Variants in KCNU1 observed in about 807,000 individuals in gnomAD.
KCNU1 encodes potassium calcium-activated channel subfamily U member 1.
Under a neutral mutation model 126.8 loss-of-function variants are expected in KCNU1, and 93 were observed. That is an observed-to-expected ratio of 0.73 (90% confidence interval 0.62 to 0.87). The LOEUF is 0.87. Ranked by LOEUF, KCNU1 falls within the 40% of genes least tolerant of loss-of-function variation. The pLI is 0.00. For synonymous variants in KCNU1, 523 were observed against 494.2 expected (o/e 1.06, Z -0.77); for missense variants, 1,330 against 1,367.1 (o/e 0.97, Z 0.43).
chr8:36,828,883 A>T (rs903912928), intron 10 of KCNU1, among the ~76,000 whole-genome samples: 1 of 152,108 alleles, frequency 6.6e-6, no homozygotes, highest in Non-Finnish European at 1.5e-5. Flanking sequence ...GGAATGTGTA[A>T]GAGACTTCAC....
intron 19 of KCNU1, among the ~76,000 whole-genome samples, chr8:36,871,410 TAGAGAG>T (rs141894674): frequency 3.4e-5 from 5 of 147,926 alleles, no homozygotes; most frequent in South Asian, 2.1e-4. Flanking sequence ...TATATATACA[TAGAGAG>T]AGAGAGAGAG....
chr8:36,889,123 C>T (rs1403374220), intron 19 of KCNU1: 6 of 532,924 alleles, frequency 1.1e-5, no homozygotes, highest in Non-Finnish European at 1.9e-5. Context: ...AAGTGATCCA[C>T]CTGCTTTGGC....
intron 7 of KCNU1, among the ~76,000 whole-genome samples, chr8:36,813,506 T>C (rs1472279929): frequency 1.3e-5 from 2 of 148,988 alleles, no homozygotes; most frequent in Non-Finnish European, 3.0e-5. Flanking sequence ...ATATATAATA[T>C]ATTATGTTAC....
At chr8:36,922,452 G>T (rs900302252) in intron 23 of KCNU1, 38 bp from the exon 24 acceptor site, 2 of 1,595,834 alleles carry the variant, frequency 1.3e-6, no homozygotes, top group African/African-American at 1.3e-5. Context: ...TTCTTAACCT[G>T]ATCTGCTTGT....
intron 7 of KCNU1, among the ~76,000 whole-genome samples, chr8:36,813,436 A>G (rs1229204824): frequency 6.6e-6 from 1 of 151,826 alleles, no homozygotes; most frequent in East Asian, 1.9e-4. Context: ...AAAAAGGTCT[A>G]AAAGAAAAAA....
chr8:36,886,327 A>T (rs1276234884), intron 19 of KCNU1, among the ~76,000 whole-genome samples: 3 of 152,228 alleles, frequency 2.0e-5, no homozygotes, highest in African/African-American at 4.8e-5. Flanking sequence ...CCTATTGTAA[A>T]ACAAAATTGC....
chr8:36,799,676 A>G (rs1803234176), intron 2 of KCNU1, among the ~76,000 whole-genome samples: 1 of 149,254 alleles, frequency 6.7e-6, no homozygotes, highest in Non-Finnish European at 1.5e-5. Context: ...CTGGGACTAC[A>G]GGCACACGCC....
At chr8:36,871,870 T>C (rs1452501357) in intron 19 of KCNU1, among the ~76,000 whole-genome samples, 1 of 152,204 alleles carries the variant, frequency 6.6e-6, no homozygotes, top group African/African-American at 2.4e-5. Flanking sequence ...TCATTTCATT[T>C]ATAATCTCCT....
At chr8:36,805,903 A>G (rs1035156115) in intron 4 of KCNU1, among the ~76,000 whole-genome samples, 10 of 151,986 alleles carry the variant, frequency 6.6e-5, no homozygotes, top group African/African-American at 2.4e-4. Context: ...CAGTACAGTG[A>G]AGCGTTCTTG....
chr8:36,802,066 G>A (rs887756319), intron 2 of KCNU1, among the ~76,000 whole-genome samples: 1 of 137,802 alleles, frequency 7.3e-6, no homozygotes, highest in Non-Finnish European at 1.5e-5. Context: ...CCGAGATTGC[G>A]CCACTGCACT....
At chr8:36,812,782 C>T (rs1369570541) in intron 7 of KCNU1, among the ~76,000 whole-genome samples, 5 of 152,128 alleles carry the variant, frequency 3.3e-5, no homozygotes. Flanking sequence ...ATCTCCCTTC[C>T]TCCATAAACT....
At chr8:36,878,051 A>G (rs1806336524) in intron 19 of KCNU1, among the ~76,000 whole-genome samples, 1 of 152,220 alleles carries the variant, frequency 6.6e-6, no homozygotes. Context: ...CAAGATAAAA[A>G]GGACTTTGTA....
chr8:36,893,718 C>T (rs577514252), intron 19 of KCNU1, among the ~76,000 whole-genome samples: 79 of 152,108 alleles, frequency 5.2e-4, no homozygotes, highest in African/African-American at 1.9e-3. Flanking sequence ...TTTTCTTAAA[C>T]AAATACTCCT....
intron 19 of KCNU1, among the ~76,000 whole-genome samples, chr8:36,866,527 C>G (rs919631250): frequency 2.6e-5 from 4 of 152,116 alleles, no homozygotes; most frequent in Non-Finnish European, 4.4e-5. Context: ...AAGGAAAGGT[C>G]TTGGGGCATT....
chr8:36,809,281 A>T (rs1441733139), intron 7 of KCNU1, among the ~76,000 whole-genome samples: 1 of 152,116 alleles, frequency 6.6e-6, no homozygotes, highest in Non-Finnish European at 1.5e-5. Context: ...TCTGGTTCTT[A>T]TCCCACATAA....
At chr8:36,892,987 A>C (rs1156512214) in intron 19 of KCNU1, among the ~76,000 whole-genome samples, 1 of 152,094 alleles carries the variant, frequency 6.6e-6, no homozygotes, top group Admixed American at 6.6e-5. Flanking sequence ...TTTGAGACAG[A>C]GTCTTGCTTT....
chr8:36,892,933 C>A (rs1000856887), intron 19 of KCNU1, among the ~76,000 whole-genome samples: 2 of 151,926 alleles, frequency 1.3e-5, no homozygotes, highest in African/African-American at 4.8e-5. Context: ...GTTTCAAAAC[C>A]TTTTAATACC....
At chr8:36,925,926 G>A (rs1808515464) in intron 24 of KCNU1, among the ~76,000 whole-genome samples, 1 of 152,102 alleles carries the variant, frequency 6.6e-6, no homozygotes, top group African/African-American at 2.4e-5. Context: ...GGGTCCTGGA[G>A]CTATGACCCC....
chr8:36,921,970 A>C (rs1292891625), intron 23 of KCNU1, among the ~76,000 whole-genome samples: 1 of 152,174 alleles, frequency 6.6e-6, no homozygotes, highest in Non-Finnish European at 1.5e-5. Context: ...CAGAATCTGC[A>C]TTGCAACCAA....
Sources: allele counts gnomAD v4.1 joint callset (sites outside exome capture counted in the v4.1 genomes callset), GRCh38; gene constraint gnomAD v4.1.1; transcripts MANE v1.5; gene names NCBI Gene and HGNC (gene_info 2026-07-23, HGNC 2026-07-21).